PDZRN3: variants seen among roughly 807,000 people sequenced by gnomAD.
PDZRN3 encodes E3 ubiquitin-protein ligase PDZRN3.
A neutral mutation model predicts 85.7 loss-of-function variants in PDZRN3; 38 were observed. That is an observed-to-expected ratio of 0.44 (90% confidence interval 0.34 to 0.58). The LOEUF (loss-of-function observed/expected upper bound fraction) is 0.58, where lower values mean the gene tolerates loss of function less well. Ranked by LOEUF, PDZRN3 falls within the 20% of genes least tolerant of loss-of-function variation. PDZRN3 has a pLI of 0.01. For synonymous variants in PDZRN3, 759 were observed against 638.0 expected (o/e 1.19, Z -2.86); for missense variants, 1,629 against 1,506.4 (o/e 1.08, Z -1.35).
intron 3 of PDZRN3, among the ~76,000 whole-genome samples, chr3:73,443,499 G>GGGC (rs1396056221): frequency 4.5e-5 from 2 of 44,352 alleles, no homozygotes; most frequent in East Asian, 1.0e-3. Flanking sequence ...TTTTTTTTTT[G>GGGC]GGGGGGGGAC....
chr3:73,435,206 C>T (rs73096424), intron 3 of PDZRN3, among the ~76,000 whole-genome samples: 5,320 of 152,230 alleles, frequency 0.035, 137 homozygotes, highest in Non-Finnish European at 0.049. Flanking sequence ...CAGCAGATGC[C>T]TCTGGACCCA....
chr3:73,386,558 G>A (rs992857120), intron 8 of PDZRN3, among the ~76,000 whole-genome samples: 3 of 152,114 alleles, frequency 2.0e-5, no homozygotes, highest in African/African-American at 7.2e-5. Flanking sequence ...TCAGAAGTTG[G>A]CACTCTATAG....
intron 5 of PDZRN3, among the ~76,000 whole-genome samples, chr3:73,396,763 G>A (rs1479505255): frequency 6.6e-6 from 1 of 152,144 alleles, no homozygotes; most frequent in Non-Finnish European, 1.5e-5. Context: ...TGAATCGCCT[G>A]GGAAATTAAA....
rs145014179 is a variant in PDZRN3 at position 73,585,559 on chromosome 3, C to T, written c.918+16795G>A. Among the ~76,000 whole-genome samples, 676 of 152,220 alleles carry T rather than the reference C, an allele frequency of 4.4e-3. 7 individuals are homozygous for T. Among genetic ancestry groups the T allele is most frequent in the African/African-American group, 0.016 (648 of 41,528 alleles). Reference sequence around the variant, plus strand: ...ATTTGCATCCACCCCTTTGCCGCACCCCCACACCCCCAGAAACCCTCAGAA... The same window carrying T: ...ATTTGCATCCACCCCTTTGCCGCACTCCCACACCCCCAGAAACCCTCAGAA... On this transcript the variant is annotated intron_variant, in intron 3 of 9. Transcript: ENST00000263666.
chr3:73,553,925 A>C (rs1349024299), intron 3 of PDZRN3, among the ~76,000 whole-genome samples: 1 of 152,244 alleles, frequency 6.6e-6, no homozygotes, highest in Admixed American at 6.5e-5. Flanking sequence ...CACAACGGGC[A>C]TAAGGACTCA....
At chr3:73,409,119 C>G (rs1336016463) in intron 3 of PDZRN3, among the ~76,000 whole-genome samples, 3 of 152,192 alleles carry the variant, frequency 2.0e-5, no homozygotes, top group African/African-American at 7.2e-5. Flanking sequence ...AAGGCTCTGG[C>G]TGGTCCCCTG....
At chr3:73,610,737 A>C (rs2106907867) in intron 1 of PDZRN3, among the ~76,000 whole-genome samples, 2 of 152,332 alleles carry the variant, frequency 1.3e-5, no homozygotes, top group Middle Eastern at 6.8e-3. Context: ...ATCTCAAGTG[A>C]TGCACAAAGA....
At position 73,546,086 on chromosome 3, in the gene PDZRN3, C is replaced by G. The variant is rs552060401; in HGVS notation, c.918+56268G>C. ...CTGTGTCTTATTCTGTATACTGTGT[C>G]CGCAGTATACAGAATAAGGCCCAGC... On this transcript the variant is annotated intron_variant, in intron 3 of 9. Coordinates refer to ENST00000263666, the MANE Select transcript of PDZRN3 (RefSeq NM_015009.3). Among the ~76,000 whole-genome samples the G allele has an allele frequency of 1.2e-4, 19 of 152,150 alleles. No individual in the cohort carries two copies. The South Asian group carries it at 4.0e-3, about 32-fold the overall frequency.
intron 3 of PDZRN3, among the ~76,000 whole-genome samples, chr3:73,598,917 A>C (rs557713176): frequency 1.3e-5 from 2 of 152,312 alleles, no homozygotes; most frequent in South Asian, 4.1e-4. Context: ...AGCAATCTGC[A>C]GGGGCATTTT....
intron 3 of PDZRN3, among the ~76,000 whole-genome samples, chr3:73,495,585 C>T (rs1481313463): frequency 6.6e-6 from 1 of 152,116 alleles, no homozygotes; most frequent in Non-Finnish European, 1.5e-5. Context: ...AATTATTCTG[C>T]TATTGATGGA....
chr3:73,490,403 A>T (rs1048787822), intron 3 of PDZRN3, among the ~76,000 whole-genome samples: 10 of 152,216 alleles, frequency 6.6e-5, no homozygotes, highest in Admixed American at 5.2e-4. Context: ...CAACCAGCAC[A>T]TTCTGACAGT....
intron 3 of PDZRN3, among the ~76,000 whole-genome samples, chr3:73,463,756 C>T (rs1703153391): frequency 6.6e-6 from 1 of 152,124 alleles, no homozygotes. Flanking sequence ...ATAGCAAAGA[C>T]ATGGAATCAA....
chr3:73,523,692 TG>T (rs1704452415), intron 3 of PDZRN3, among the ~76,000 whole-genome samples: 1 of 152,170 alleles, frequency 6.6e-6, no homozygotes. Context: ...AAGAAAAATA[TG>T]GTGGCACAAC....
chr3:73,474,540 T>A (rs1235779868), intron 3 of PDZRN3: 1 of 1,287,866 alleles, frequency 7.8e-7, no homozygotes, highest in Middle Eastern at 2.1e-4. Context: ...CATCTTCATT[T>A]AAAAATTGAC....
At chr3:73,608,257 C>T (rs925272921) in intron 2 of PDZRN3, among the ~76,000 whole-genome samples, 10 of 152,110 alleles carry the variant, frequency 6.6e-5, no homozygotes, top group South Asian at 2.1e-4. Flanking sequence ...CGGTCTAGGA[C>T]GGTGGCTGGT....
chr3:73,582,799 G>A (rs1381314163), intron 3 of PDZRN3, among the ~76,000 whole-genome samples: 1 of 152,142 alleles, frequency 6.6e-6, no homozygotes, highest in East Asian at 1.9e-4. Flanking sequence ...ATGTATTATT[G>A]CAGTGTTGTG....
intron 3 of PDZRN3, among the ~76,000 whole-genome samples, chr3:73,512,591 C>T (rs1255048015): frequency 1.3e-5 from 2 of 151,796 alleles, no homozygotes; most frequent in South Asian, 2.1e-4. Flanking sequence ...GCCCAAATTG[C>T]ACTTGTTGTC....
rs772797298 is a variant in PDZRN3, at chr3:73,390,972, T to G, written c.1353+46A>C. 8.5e-6 allele frequency: 11 copies of G among 1,295,346 alleles called. No homozygotes were observed. In the East Asian group the frequency reaches 2.5e-4, roughly 30 times the overall value. 80.2% of individuals were successfully genotyped at this position (1,295,346 alleles called of 1,614,324 possible). A position where few individuals can be genotyped will look rare whatever the true frequency, so the allele number is the denominator to read the frequency against. ...TGGTGAACATGAAAAAAAAAACCCT[T>G]TTGGTCTTGATACGATAGTTAGAAA... On this transcript the variant is annotated intron_variant, in intron 6 of 9. Coordinates refer to ENST00000263666, the MANE Select transcript of PDZRN3 (RefSeq NM_015009.3).
chr3:73,574,154 C>T (rs988307390), intron 3 of PDZRN3, among the ~76,000 whole-genome samples: 7 of 152,204 alleles, frequency 4.6e-5, no homozygotes, highest in Admixed American at 6.5e-5. Flanking sequence ...TCGCCCTGTC[C>T]GATATTTGAC....
Sources: allele counts gnomAD v4.1 joint callset (sites outside exome capture counted in the v4.1 genomes callset), GRCh38; gene constraint gnomAD v4.1.1; transcripts MANE v1.5; gene names NCBI Gene and HGNC (gene_info 2026-07-23, HGNC 2026-07-21).